DTNA: variants seen among roughly 807,000 people sequenced by gnomAD.
DTNA encodes dystrophin-related protein 3.
A neutral mutation model predicts 100.7 loss-of-function variants in DTNA; 43 were observed. The observed-to-expected ratio is 0.43, with a 90% CI of 0.33 to 0.55. The LOEUF is 0.55. Ranked by LOEUF, DTNA falls within the 20% of genes least tolerant of loss-of-function variation. The probability of loss-of-function intolerance (pLI) is 0.04; values close to 1 mark genes in which losing one functional copy is unlikely to be tolerated. For synonymous variants in DTNA, 349 were observed against 347.9 expected (o/e 1.00, Z -0.04); for missense variants, 798 against 953.9 (o/e 0.84, Z 2.15).
At chr18:34,832,066 A>T (rs969199135) in intron 11 of DTNA, among the ~76,000 whole-genome samples, 6 of 152,220 alleles carry the variant, frequency 3.9e-5, no homozygotes, top group African/African-American at 1.4e-4. Flanking sequence ...AATAGTTGTG[A>T]TTTGATCATC....
chr18:34,672,342 C>G (rs974011654), intron 1 of DTNA, among the ~76,000 whole-genome samples: 3 of 152,132 alleles, frequency 2.0e-5, no homozygotes, highest in African/African-American at 7.2e-5. Context: ...CAATGAGACT[C>G]ACTGGTTTCT....
intron 1 of DTNA, among the ~76,000 whole-genome samples, chr18:34,644,110 A>G (rs1232958838): frequency 6.6e-6 from 1 of 152,148 alleles, no homozygotes; most frequent in Non-Finnish European, 1.5e-5. Context: ...TCTTTTGAGT[A>G]AGTAGTTTCA....
intron 1 of DTNA, among the ~76,000 whole-genome samples, chr18:34,603,564 C>A (rs1053349878): frequency 6.6e-6 from 1 of 151,794 alleles, no homozygotes; most frequent in Admixed American, 6.6e-5. Flanking sequence ...ATTTTCAACA[C>A]CAACAGAAAT....
At position 34,632,557 on chromosome 18, in the gene DTNA, C is replaced by T. The variant is rs1028243888; in HGVS notation, c.-1-123419C>T. On this transcript the variant is annotated intron_variant, in intron 1 of 19. Transcript: ENST00000283365. ...CTGTCAGGGAGAATCTTTCTATCAGCGGGATTTCTCAGCTGTTTCAGAAAT... is the reference window on the plus strand; with the variant it reads ...CTGTCAGGGAGAATCTTTCTATCAGTGGGATTTCTCAGCTGTTTCAGAAAT... Among the ~76,000 whole-genome samples the T allele has an allele frequency of 3.9e-5, 6 of 152,250 alleles. No individual in the cohort carries two copies. In the South Asian group the frequency reaches 6.2e-4, roughly 16 times the overall value.
At chr18:34,763,844 T>C (rs982511765) in intron 2 of DTNA, among the ~76,000 whole-genome samples, 1 of 152,160 alleles carries the variant, frequency 6.6e-6, no homozygotes, top group African/African-American at 2.4e-5. Flanking sequence ...AGATAAACAG[T>C]ATACCTGAAA....
chr18:34,658,732 T>G lies in DTNA; in HGVS notation c.-1-97244T>G, dbSNP rs540972284. Among the ~76,000 whole-genome samples the G allele has an allele frequency of 2.0e-5, 3 of 152,334 alleles. No individual in the cohort carries two copies. In the East Asian group the frequency reaches 5.8e-4, roughly 29 times the overall value. ...CTTGATTACCACCACCAAAGCAGTG[T>G]TAAGAGCATTCAAGTCTAAAACAGA... On this transcript the variant is annotated intron_variant, in intron 1 of 19. Coordinates refer to the DTNA transcript ENST00000283365.
At chr18:34,817,213 T>G (rs967924624) in intron 7 of DTNA, among the ~76,000 whole-genome samples, 5 of 152,224 alleles carry the variant, frequency 3.3e-5, no homozygotes, top group Admixed American at 6.5e-5. Flanking sequence ...GTTATGACAC[T>G]TGTTTAGAAG....
chr18:34,676,458 A>G (rs563861031), intron 1 of DTNA, among the ~76,000 whole-genome samples: 1 of 152,310 alleles, frequency 6.6e-6, no homozygotes, highest in Non-Finnish European at 1.5e-5. Flanking sequence ...ATTTTATACC[A>G]TGACACTAAA....
Position 34,888,292 on chromosome 18 carries a change from A to C in DTNA, c.*558A>C. On this transcript the variant is annotated 3_prime_UTR_variant, in exon 23 of 23. Coordinates refer to ENST00000444659, the MANE Select transcript of DTNA (RefSeq NM_001386795.1). ...TTTTTTTCACAGCAATTGGAAAAAA[A>C]CAACCACTTGCAATCATTCAATAAC... 1.0e-6 allele frequency: 1 copy of C among 985,860 alleles called. No individual in the cohort carries two copies. The highest frequency in any genetic ancestry group is 1.2e-6 in the Non-Finnish European group (1 of 829,944). 61.1% of individuals were successfully genotyped at this position (985,860 alleles called of 1,614,324 possible). A position where few individuals can be genotyped will look rare whatever the true frequency, so the allele number is the denominator to read the frequency against.
rs1218177819 is a variant in DTNA at position 34,889,290 on chromosome 18, G to C, written c.*1556G>C. On this transcript the variant is annotated 3_prime_UTR_variant, in exon 23 of 23. Transcript: ENST00000444659. ...AGCAGCATCTGCAACACTTAGGAAGGTCTTCGAAATACTAATTTGTAAGCC... is the reference window on the plus strand; with the variant it reads ...AGCAGCATCTGCAACACTTAGGAAGCTCTTCGAAATACTAATTTGTAAGCC... 12 of 983,602 alleles carry C rather than the reference G, an allele frequency of 1.2e-5. No individual in the cohort carries two copies. The highest frequency in any genetic ancestry group is 1.4e-5 in the Non-Finnish European group (12 of 828,346). The allele number at this position is 983,602 out of a possible 1,614,324, so 60.9% of individuals were successfully genotyped here.
At chr18:34,768,305 C>A (rs78444038) in intron 3 of DTNA, among the ~76,000 whole-genome samples, 1 of 137,980 alleles carries the variant, frequency 7.2e-6, no homozygotes, top group African/African-American at 2.6e-5. Flanking sequence ...AGAAGGAACG[C>A]CCCCCCAAAA....
At chr18:34,661,095 T>C (rs1253935632) in intron 1 of DTNA, among the ~76,000 whole-genome samples, 1 of 152,230 alleles carries the variant, frequency 6.6e-6, no homozygotes, top group Non-Finnish European at 1.5e-5. Flanking sequence ...ATTTATTAGC[T>C]CTGTATTACT....
At chr18:34,538,613 A>G (rs1445953962) in intron 1 of DTNA, among the ~76,000 whole-genome samples, 1 of 152,016 alleles carries the variant, frequency 6.6e-6, no homozygotes, top group Non-Finnish European at 1.5e-5. Flanking sequence ...TAGCAAGAAA[A>G]TAAAAAAATC....
chr18:34,855,773 C>A (rs765871031), intron 15 of DTNA, among the ~76,000 whole-genome samples: 1 of 152,184 alleles, frequency 6.6e-6, no homozygotes, highest in African/African-American at 2.4e-5. Context: ...CACAAGCCCA[C>A]GAATATTTTA....
chr18:34,671,541 T>C (rs2076758642), intron 1 of DTNA, among the ~76,000 whole-genome samples: 1 of 152,220 alleles, frequency 6.6e-6, no homozygotes. Context: ...GAATGATGTT[T>C]AAAAATGTGG....
intron 1 of DTNA, among the ~76,000 whole-genome samples, chr18:34,531,122 A>G (rs2043100705): frequency 6.6e-6 from 1 of 152,142 alleles, no homozygotes; most frequent in African/African-American, 2.4e-5. Flanking sequence ...ACACAATATT[A>G]AAAGTGAAAA....
At chr18:34,619,800 T>G (rs2056094944) in intron 1 of DTNA, among the ~76,000 whole-genome samples, 2 of 152,304 alleles carry the variant, frequency 1.3e-5, no homozygotes, top group South Asian at 4.2e-4. Flanking sequence ...AGATACTGAT[T>G]TAAAAGTCAT....
chr18:34,752,932 T>C (rs1366096980), intron 1 of DTNA, among the ~76,000 whole-genome samples: 1 of 152,250 alleles, frequency 6.6e-6, no homozygotes, highest in African/African-American at 2.4e-5. Context: ...TTAGTTTCTG[T>C]CATTTCAAAT....
In DTNA at chr18:34,797,023, C is replaced by G. The variant is rs2095003737; in HGVS notation, c.362+2773C>G. Among the ~76,000 whole-genome samples, 4 of 152,198 alleles carry G rather than the reference C, an allele frequency of 2.6e-5. No homozygotes were observed. In the South Asian group the frequency reaches 8.3e-4, roughly 32 times the overall value. On this transcript the variant is annotated intron_variant, in intron 4 of 22. Coordinates refer to ENST00000444659, the MANE Select transcript of DTNA (RefSeq NM_001386795.1). Reference sequence around the variant, plus strand: ...AGTTTCCTGGTTGCAAGATTTCTCTCTGCTCGTTGGCAAGTCAGCCTCTCA... The same window carrying G: ...AGTTTCCTGGTTGCAAGATTTCTCTGTGCTCGTTGGCAAGTCAGCCTCTCA...
Sources: gnomAD v4.1 joint callset for allele counts (sites outside exome capture counted in the v4.1 genomes callset) on GRCh38, gnomAD v4.1.1 for gene constraint, MANE v1.5 for transcripts, NCBI Gene and HGNC (gene_info 2026-07-23, HGNC 2026-07-21) for gene names.